Variants in CASTOR2 observed in about 807,000 individuals in gnomAD.
CASTOR2 encodes cytosolic arginine sensor for mTORC1 subunit 2.
In CASTOR2, 8 loss-of-function variants were observed where a neutral mutation model predicts 31.2. The ratio of observed to expected loss-of-function variants is 0.26; its 90% CI spans 0.15 to 0.46. The LOEUF (loss-of-function observed/expected upper bound fraction) is 0.46. Among genes scored for constraint, CASTOR2 ranks in the 20% least tolerant of loss-of-function variants. The pLI is 0.99. For missense variants in CASTOR2, 216 were observed against 382.1 expected, an observed-to-expected ratio of 0.57 and a Z score of 3.62; for synonymous variants, 162 against 158.7, an observed-to-expected ratio of 1.02 and a Z score of -0.16.
At chr7:74,999,930 A>G (rs1804454803) in intron 1 of CASTOR2, among the ~76,000 whole-genome samples, 1 of 151,998 alleles carries the variant, frequency 6.6e-6, no homozygotes, top group African/African-American at 2.4e-5. Flanking sequence ...GCGTGTTTTA[A>G]AAGGCCCCTG....
At chr7:74,988,964 C>CTT (rs34618815) in intron 1 of CASTOR2, among the ~76,000 whole-genome samples, 85,065 of 137,686 alleles carry the variant, frequency 0.62, 28,151 homozygotes, top group East Asian at 0.92. Context: ...GGGAATTTTT[C>CTT]TTTTTTTTTT....
chr7:74,992,718 G>A (rs1197679613), intron 1 of CASTOR2, among the ~76,000 whole-genome samples: 1 of 152,120 alleles, frequency 6.6e-6, no homozygotes, highest in East Asian at 1.9e-4. Context: ...GATTACAGGC[G>A]TGAGCCACTG....
chr7:75,022,018 T>TA, intron 7 of CASTOR2, 62 bp downstream of exon 7: 2 of 1,539,852 alleles, frequency 1.3e-6, no homozygotes, highest in Middle Eastern at 1.7e-4. Context: ...CCCATTCACA[T>TA]ACGTTGTCCG....
chr7:75,005,446 G>A (rs1314662901), intron 1 of CASTOR2, among the ~76,000 whole-genome samples: 3 of 152,212 alleles, frequency 2.0e-5, no homozygotes, highest in South Asian at 2.1e-4. Flanking sequence ...TTGCTGACCC[G>A]TATTTCCTCA....
In CASTOR2 at chr7:75,009,262, CTTT is replaced by C. The variant is rs1161937896; in HGVS notation, c.184+1221_184+1223del. 1.3e-4 allele frequency among the ~76,000 whole-genome samples: 8 copies of C among 60,304 alleles called. No homozygotes were observed. The Admixed American group carries it at 1.5e-3, about 11-fold the overall frequency. The allele number at this position is 60,304 out of a possible 152,430, so 39.6% of individuals were successfully genotyped here. ...TGAGCCACCTTGCCTGGCCTGAGAA[CTTT>C]TTTTTTTTTTTTTTTTTTTTTTGAG... On this transcript the variant is annotated intron_variant, in intron 2 of 8. Coordinates refer to ENST00000616305, the MANE Select transcript of CASTOR2 (RefSeq NM_001145064.3).
rs1805189026 is a variant in CASTOR2 at position 75,028,115 on chromosome 7, A to G, written c.*3416A>G. On this transcript the variant is annotated 3_prime_UTR_variant, in exon 9 of 9. Coordinates refer to ENST00000616305, the MANE Select transcript of CASTOR2 (RefSeq NM_001145064.3). Reference sequence around the variant, plus strand: ...AGGAAGAGGGCTCTCTATGATGTGGAATTTTTTTTTTTTTTTTTTTGAGAC... The same window carrying G: ...AGGAAGAGGGCTCTCTATGATGTGGGATTTTTTTTTTTTTTTTTTTGAGAC... The G allele has an allele frequency of 1.4e-6, 2 of 1,417,292 alleles. No individual in the cohort carries two copies. The highest frequency in any genetic ancestry group is 2.7e-5 in the Admixed American group (1 of 36,784). The allele number at this position is 1,417,292 out of a possible 1,614,324, so 87.8% of individuals were successfully genotyped here.
At chr7:74,991,074 GAA>G (rs587606119) in intron 1 of CASTOR2, among the ~76,000 whole-genome samples, 3 of 136,560 alleles carry the variant, frequency 2.2e-5, no homozygotes, top group East Asian at 4.2e-4. Context: ...ACCCTGTCTG[GAA>G]AAAAAAAAAA....
intron 1 of CASTOR2, among the ~76,000 whole-genome samples, chr7:74,984,757 C>T (rs1290886555): frequency 1.2e-4 from 18 of 152,284 alleles, no homozygotes; most frequent in African/African-American, 4.3e-4. Context: ...ATAAGGAAAC[C>T]GAGGCCCCAG....
At chr7:75,021,734 G>A in intron 6 of CASTOR2, 140 bp from the exon 7 acceptor site, 1 of 996,948 alleles carries the variant, frequency 1.0e-6, no homozygotes, top group Non-Finnish European at 1.6e-6. Context: ...GTCTGGAAGG[G>A]ATTGTTTTTG....
Position 75,024,699 on chromosome 7 carries a change from G to C in CASTOR2, c.990G>C (p.Ter330TyrextTer20). The C allele has an allele frequency of 1.3e-6, 2 of 1,551,622 alleles. No individual in the cohort carries two copies. Among genetic ancestry groups the C allele is most frequent in the Admixed American group, 3.9e-5 (2 of 51,008 alleles). The part of the protein sequence containing the change: ...ALKVSQAEKH[*>Y] ...AGGTCAGCCAAGCAGAGAAGCACTAGAAGGGTCTCTTCTGCTCCTCCCTGC... is the reference window on the plus strand; with the variant it reads ...AGGTCAGCCAAGCAGAGAAGCACTACAAGGGTCTCTTCTGCTCCTCCCTGC... Residue 330 changes from the stop codon to tyrosine (Y), a stop_lost, in exon 9 of 9, where the codon TAG becomes TAC. Coordinates refer to ENST00000616305, the MANE Select transcript of CASTOR2 (RefSeq NM_001145064.3).
At chr7:75,011,871 G>A (rs1304513928) in intron 2 of CASTOR2, among the ~76,000 whole-genome samples, 1 of 151,868 alleles carries the variant, frequency 6.6e-6, no homozygotes, top group South Asian at 2.1e-4. Context: ...GGAGGCCAAG[G>A]CAGGAGAATC....
At position 75,024,780 on chromosome 7, in the gene CASTOR2, G is replaced by A; in HGVS notation, c.*81G>A. 1 of 1,551,088 alleles carries A rather than the reference G, an allele frequency of 6.4e-7. No individual in the cohort carries two copies. The highest frequency in any genetic ancestry group is 8.7e-7 in the Non-Finnish European group (1 of 1,146,804). On this transcript the variant is annotated 3_prime_UTR_variant, in exon 9 of 9. Coordinates refer to ENST00000616305, the MANE Select transcript of CASTOR2 (RefSeq NM_001145064.3). ...ATTGATCTTGCAGTATTTCTCTACA[G>A]ACTGGAAAATCAGCCTGGGGACCCT...
chr7:74,993,147 A>T (rs1804252133), intron 1 of CASTOR2, among the ~76,000 whole-genome samples: 1 of 151,918 alleles, frequency 6.6e-6, no homozygotes, highest in African/African-American at 2.4e-5. Flanking sequence ...TTGCATGAGC[A>T]GAGATCGCGT....
chr7:74,990,183 T>C (rs1490939812), intron 1 of CASTOR2, among the ~76,000 whole-genome samples: 2 of 151,098 alleles, frequency 1.3e-5, no homozygotes, highest in Admixed American at 6.6e-5. Flanking sequence ...GGTCAGGAGA[T>C]GGAGACCATC....
intron 1 of CASTOR2, among the ~76,000 whole-genome samples, chr7:74,997,210 G>A (rs1563058701): frequency 6.6e-6 from 1 of 151,650 alleles, no homozygotes; most frequent in Non-Finnish European, 1.5e-5. Context: ...CATGTTACCA[G>A]GCCCTGCTAA....
rs1286304321 is a variant in CASTOR2, at chr7:75,009,443, AT to A, written c.184+1385del. Among the ~76,000 whole-genome samples, 74 of 149,416 alleles carry A rather than the reference AT, an allele frequency of 5.0e-4. No homozygotes were observed. The East Asian group carries it at 9.7e-3, about 20-fold the overall frequency. ...CCACCACGCCCGGCTAATTTTTTGT[AT>A]TTTTTAGTAGAGATGGGGTTTCACC... On this transcript the variant is annotated intron_variant, in intron 2 of 8. Transcript: ENST00000616305.
Position 75,029,679 on chromosome 7 carries a change from C to G in CASTOR2, c.*4980C>G, listed in dbSNP as rs1379247676. On this transcript the variant is annotated 3_prime_UTR_variant, in exon 9 of 9. Transcript: ENST00000616305. ...TTGACGCCACTTCCTGAGTGAAGCG[C>G]TTTGCATGGGGATGGGAAGAAGCAC... 6.6e-6 allele frequency among the ~76,000 whole-genome samples: 1 copy of G among 152,134 alleles called. No individual in the cohort carries two copies. Among genetic ancestry groups the G allele is most frequent in the Non-Finnish European group, 1.5e-5 (1 of 68,022 alleles).
In CASTOR2 at chr7:75,026,900, C is replaced by A. The variant is rs1478578005; in HGVS notation, c.*2201C>A. ...GCCCCGTGACCCCAGAGTCGTGTGT[C>A]CCCTAGACTTCCTAGGACGTATCTA... On this transcript the variant is annotated 3_prime_UTR_variant, in exon 9 of 9. Transcript: ENST00000616305. 6.6e-6 allele frequency among the ~76,000 whole-genome samples: 1 copy of A among 152,152 alleles called. No individual in the cohort carries two copies. The highest frequency in any genetic ancestry group is 1.9e-4 in the East Asian group (1 of 5,196).
At chr7:75,008,468 G>A (rs1804653672) in intron 2 of CASTOR2, among the ~76,000 whole-genome samples, 2 of 152,136 alleles carry the variant, frequency 1.3e-5, no homozygotes, top group African/African-American at 4.8e-5. Context: ...CAACACTGTG[G>A]GAGGATCACT....
Sources: gnomAD v4.1 joint callset for allele counts (sites outside exome capture counted in the v4.1 genomes callset) on GRCh38, gnomAD v4.1.1 for gene constraint, MANE v1.5 for transcripts, NCBI Gene and HGNC (gene_info 2026-07-23, HGNC 2026-07-21) for gene names.